LHFPL2: variants seen among roughly 807,000 people sequenced by gnomAD.
LHFPL2 encodes LHFPL tetraspan subfamily member 2 protein.
Under a neutral mutation model 17.5 loss-of-function variants are expected in LHFPL2, and 7 were observed. That is an observed-to-expected ratio of 0.40 (90% CI 0.23 to 0.75). The LOEUF (loss-of-function observed/expected upper bound fraction) is 0.75, where lower values mean the gene tolerates loss of function less well. Among genes scored for constraint, LHFPL2 ranks in the 30% least tolerant of loss-of-function variants. The pLI is 0.37. For synonymous variants in LHFPL2, 134 were observed against 116.2 expected (o/e 1.15, Z -0.99); for missense variants, 241 against 294.8 (o/e 0.82, Z 1.34).
chr5:78,527,937 T>C (rs1455980957), intron 3 of LHFPL2, among the ~76,000 whole-genome samples: 2 of 152,218 alleles, frequency 1.3e-5, no homozygotes, highest in African/African-American at 4.8e-5. Flanking sequence ...CCAATGGTCA[T>C]TGATCTCTAC....
At position 78,621,150 on chromosome 5, in the gene LHFPL2, A is replaced by G. The variant is rs917137495; in HGVS notation, c.-245+11114T>C. Among the ~76,000 whole-genome samples, 4 of 152,146 alleles carry G rather than the reference A, an allele frequency of 2.6e-5. No individual in the cohort carries two copies. In the South Asian group the frequency reaches 6.2e-4, roughly 24 times the overall value. Reference sequence around the variant, plus strand: ...TTTAGAATCCCCAATCTCATCAATCATAATAAAAACAAACAGAAAACAAAC... The same window carrying G: ...TTTAGAATCCCCAATCTCATCAATCGTAATAAAAACAAACAGAAAACAAAC... On this transcript the variant is annotated intron_variant, in intron 2 of 4. Transcript: ENST00000380345.
chr5:78,491,615 GT>G (rs1198227641), intron 4 of LHFPL2, among the ~76,000 whole-genome samples: 1 of 152,234 alleles, frequency 6.6e-6, no homozygotes, highest in Non-Finnish European at 1.5e-5. Context: ...AGGTGATTCT[GT>G]TAATAGTTAA....
At chr5:78,583,347 C>G (rs1359560293) in intron 2 of LHFPL2, among the ~76,000 whole-genome samples, 2 of 151,700 alleles carry the variant, frequency 1.3e-5, no homozygotes, top group African/African-American at 4.8e-5. Flanking sequence ...GGTGATTTTG[C>G]TCGTTAGTTG....
intron 3 of LHFPL2, among the ~76,000 whole-genome samples, chr5:78,514,054 G>C (rs1755214925): frequency 6.6e-6 from 1 of 152,136 alleles, no homozygotes; most frequent in Non-Finnish European, 1.5e-5. Context: ...TGTATCAAAG[G>C]GGAAAGAGAT....
chr5:78,541,350 T>C (rs761386260), intron 3 of LHFPL2, among the ~76,000 whole-genome samples: 21 of 152,152 alleles, frequency 1.4e-4, no homozygotes, highest in Non-Finnish European at 2.6e-4. Context: ...CAAGGCCCCA[T>C]GGTCTTAGGA....
chr5:78,605,679 C>T (rs1744188825), intron 2 of LHFPL2, among the ~76,000 whole-genome samples: 1 of 152,056 alleles, frequency 6.6e-6, no homozygotes, highest in African/African-American at 2.4e-5. Flanking sequence ...CTTACTGAGC[C>T]ACTTTCTCCT....
At chr5:78,568,955 G>A (rs915816678) in intron 2 of LHFPL2, among the ~76,000 whole-genome samples, 2 of 152,138 alleles carry the variant, frequency 1.3e-5, no homozygotes, top group Non-Finnish European at 2.9e-5. Flanking sequence ...AAGAATTTGA[G>A]CCACTTAAGC....
chr5:78,625,650 T>G (rs958942848), intron 2 of LHFPL2: 1 of 152,270 alleles, frequency 6.6e-6, no homozygotes, highest in African/African-American at 2.4e-5. Context: ...CAGACTTTTC[T>G]GCCTACAAAT....
intron 3 of LHFPL2, among the ~76,000 whole-genome samples, chr5:78,528,667 C>G (rs1486900242): frequency 6.6e-6 from 1 of 152,186 alleles, no homozygotes; most frequent in Admixed American, 6.5e-5. Flanking sequence ...GAGGCCCTAC[C>G]AAAGCAGCAG....
chr5:78,587,617 T>C (rs1158074599), intron 2 of LHFPL2, among the ~76,000 whole-genome samples: 1 of 152,234 alleles, frequency 6.6e-6, no homozygotes, highest in Non-Finnish European at 1.5e-5. Flanking sequence ...TGACAATTGT[T>C]TGCAAAGGCC....
intron 1 of LHFPL2, among the ~76,000 whole-genome samples, chr5:78,645,139 GA>G (rs943712054): frequency 1.3e-5 from 2 of 152,142 alleles, no homozygotes; most frequent in African/African-American, 4.8e-5. Context: ...GACCAGGCTG[GA>G]GAGTGGAAGG....
intron 3 of LHFPL2, among the ~76,000 whole-genome samples, chr5:78,515,073 CACA>C (rs531360261): frequency 6.0e-4 from 91 of 152,232 alleles, no homozygotes; most frequent in East Asian, 1.9e-3. Flanking sequence ...CCTATATAAC[CACA>C]ACAAGATTAG....
intron 2 of LHFPL2, among the ~76,000 whole-genome samples, chr5:78,609,570 TAA>T (rs1176152450): frequency 6.7e-6 from 1 of 148,898 alleles, no homozygotes; most frequent in Non-Finnish European, 1.5e-5. Flanking sequence ...TCATGCCACA[TAA>T]AGACTACCAC....
chr5:78,540,719 ACTGCATTAACCACAGCC>A (rs1756085333), intron 3 of LHFPL2, among the ~76,000 whole-genome samples: 1 of 152,234 alleles, frequency 6.6e-6, no homozygotes, highest in Non-Finnish European at 1.5e-5. Context: ...TACCAATGTC[ACTGCATTAACCACAGCC>A]CTGGACAACA....
At chr5:78,535,902 A>C (rs1475248764) in intron 3 of LHFPL2, among the ~76,000 whole-genome samples, 1 of 152,164 alleles carries the variant, frequency 6.6e-6, no homozygotes, top group Non-Finnish European at 1.5e-5. Flanking sequence ...GGAGCCCCCC[A>C]GTCTCAGAGT....
chr5:78,530,188 A>T (rs999265477), intron 3 of LHFPL2, among the ~76,000 whole-genome samples: 2 of 152,316 alleles, frequency 1.3e-5, no homozygotes, highest in South Asian at 4.1e-4. Context: ...TTAAATTTTT[A>T]ATTTTTTAAT....
rs146868061 is a variant in LHFPL2 at position 78,603,300 on chromosome 5, C to G, written c.-245+28964G>C. On this transcript the variant is annotated intron_variant, in intron 2 of 4. Transcript: ENST00000380345. ...GCTCTTAACCACTACACTGAATTTT[C>G]TCATTTATTGATTAGCCTACAGCAA... Among the ~76,000 whole-genome samples the G allele has an allele frequency of 2.4e-3, 368 of 152,324 alleles. 2 individuals carry two copies. Among genetic ancestry groups the G allele is most frequent in the African/African-American group, 8.6e-3 (358 of 41,574 alleles).
chr5:78,642,554 A>G (rs1352535031), intron 1 of LHFPL2, among the ~76,000 whole-genome samples: 1 of 152,186 alleles, frequency 6.6e-6, no homozygotes, highest in Non-Finnish European at 1.5e-5. Flanking sequence ...TTACAAGGAC[A>G]CAAATTACTC....
intron 3 of LHFPL2, among the ~76,000 whole-genome samples, chr5:78,553,512 T>C (rs1756498779): frequency 6.6e-6 from 1 of 152,186 alleles, no homozygotes; most frequent in Admixed American, 6.5e-5. Flanking sequence ...TAAATATCTG[T>C]AGTGTCCAGA....
Sources: allele counts gnomAD v4.1 joint callset (sites outside exome capture counted in the v4.1 genomes callset), GRCh38; gene constraint gnomAD v4.1.1; transcripts MANE v1.5; gene names NCBI Gene and HGNC (gene_info 2026-07-23, HGNC 2026-07-21).